TPD52: variants seen among roughly 807,000 people sequenced by gnomAD.
TPD52 encodes tumor protein D52.
A neutral mutation model predicts 31.3 loss-of-function variants in TPD52; 17 were observed. That is an observed-to-expected ratio of 0.54 (90% CI 0.37 to 0.82). The LOEUF (loss-of-function observed/expected upper bound fraction) is 0.82, where lower values mean the gene tolerates loss of function less well. Ranked by LOEUF, TPD52 falls within the 40% of genes least tolerant of loss-of-function variation. The probability of loss-of-function intolerance (pLI) is 0.00; values close to 1 mark genes in which losing one functional copy is unlikely to be tolerated. For missense variants in TPD52, 212 were observed against 240.1 expected (o/e 0.88, Z 0.77); for synonymous variants, 83 against 89.6 (o/e 0.93, Z 0.42).
intron 1 of TPD52, among the ~76,000 whole-genome samples, chr8:80,157,077 G>A (rs533222221): frequency 6.6e-6 from 1 of 152,204 alleles, no homozygotes; most frequent in East Asian, 1.9e-4. Flanking sequence ...GGATTGGAGG[G>A]AATTCACAAA....
intron 1 of TPD52, among the ~76,000 whole-genome samples, chr8:80,093,070 A>G (rs1455776975): frequency 1.3e-5 from 2 of 152,180 alleles, no homozygotes; most frequent in South Asian, 2.1e-4. Context: ...CTGAGACCCT[A>G]ACAGTTCACA....
At chr8:80,120,530 G>A (rs1808191978) in intron 1 of TPD52, among the ~76,000 whole-genome samples, 1 of 152,102 alleles carries the variant, frequency 6.6e-6, no homozygotes, top group Non-Finnish European at 1.5e-5. Context: ...TTGAATGACA[G>A]GTTGATCCTG....
intron 1 of TPD52, among the ~76,000 whole-genome samples, chr8:80,071,515 T>C (rs553844326): frequency 6.6e-6 from 1 of 152,106 alleles, no homozygotes; most frequent in African/African-American, 2.4e-5. Context: ...CCACCTCCCT[T>C]CCACTAAGGA....
intron 1 of TPD52, among the ~76,000 whole-genome samples, chr8:80,159,989 G>C (rs1261805361): frequency 1.3e-5 from 2 of 152,086 alleles, no homozygotes; most frequent in African/African-American, 4.8e-5. Context: ...CCAGGGGTTC[G>C]AGACCAGTCT....
At chr8:80,127,433 A>G (rs575090271) in intron 1 of TPD52, 75 of 152,348 alleles carry the variant, frequency 4.9e-4, no homozygotes, top group African/African-American at 1.7e-3. Flanking sequence ...ATGACAAAAA[A>G]TTGACAGGAT....
In TPD52 at chr8:80,094,430, T is replaced by TTATATATA. The variant is rs61266725; in HGVS notation, c.20-29845_20-29838dup. 1.7e-3 allele frequency among the ~76,000 whole-genome samples: 91 copies of TTATATATA among 53,638 alleles called. 1 individual carries two copies. The highest frequency in any genetic ancestry group is 3.9e-3 in the East Asian group (3 of 778). 35.2% of individuals were successfully genotyped at this position (53,638 alleles called of 152,430 possible). ...ACTAAGTTCTAGACAAAAGAAAATT[T>TTATATATA]TATATATATATATATATATATATAT... On this transcript the variant is annotated intron_variant, in intron 1 of 7. Coordinates refer to ENST00000518937, the MANE Select transcript of TPD52 (RefSeq NM_001025253.3).
At chr8:80,121,508 C>T (rs1040326264) in intron 1 of TPD52, among the ~76,000 whole-genome samples, 2 of 152,144 alleles carry the variant, frequency 1.3e-5, no homozygotes, top group African/African-American at 4.8e-5. Context: ...CCATGAATAC[C>T]GTACAGCAAA....
intron 1 of TPD52, among the ~76,000 whole-genome samples, chr8:80,143,104 A>C (rs1809952328): frequency 6.6e-6 from 1 of 152,220 alleles, no homozygotes; most frequent in Non-Finnish European, 1.5e-5. Flanking sequence ...GGAGGAAAGT[A>C]CCTACTTCAT....
chr8:80,040,148 C>T (rs1382457036), intron 7 of TPD52, among the ~76,000 whole-genome samples: 1 of 149,698 alleles, frequency 6.7e-6, no homozygotes, highest in East Asian at 2.0e-4. Context: ...TTTACAGCTT[C>T]CTTAGGATAC....
At chr8:80,116,152 TA>T (rs1409718270) in intron 1 of TPD52, among the ~76,000 whole-genome samples, 4 of 152,168 alleles carry the variant, frequency 2.6e-5, no homozygotes, top group Admixed American at 2.0e-4. Flanking sequence ...TACCCTACAA[TA>T]TATCAAAAGA....
At chr8:80,034,325 A>G (rs1809774220), downstream of TPD52, among the ~76,000 whole-genome samples, 1 of 151,776 alleles carries the variant, frequency 6.6e-6, no homozygotes, top group African/African-American at 2.4e-5. Context: ...AGCTGCACCC[A>G]GGAGCACAAG....
intron 1 of TPD52, among the ~76,000 whole-genome samples, chr8:80,083,528 T>TA (rs1167011491): frequency 6.6e-6 from 1 of 150,808 alleles, no homozygotes; most frequent in Non-Finnish European, 1.5e-5. Flanking sequence ...GAGATCTTTA[T>TA]AAGGAGAACA....
chr8:80,042,293 G>A (rs1810463825), intron 7 of TPD52: 2 of 985,104 alleles, frequency 2.0e-6, no homozygotes, highest in Non-Finnish European at 2.4e-6. Context: ...GTTAATTGTT[G>A]ACAAGAAAGT....
At chr8:80,077,132 C>A (rs1296763860) in intron 1 of TPD52, among the ~76,000 whole-genome samples, 1 of 151,922 alleles carries the variant, frequency 6.6e-6, no homozygotes, top group Non-Finnish European at 1.5e-5. Flanking sequence ...AAAATTAGCA[C>A]GATGTGGTGA....
chr8:80,109,672 G>T (rs1353993145), intron 1 of TPD52, among the ~76,000 whole-genome samples: 1 of 152,208 alleles, frequency 6.6e-6, no homozygotes, highest in Non-Finnish European at 1.5e-5. Flanking sequence ...CTCCCAAAGT[G>T]CTGGGATGAC....
chr8:80,111,876 T>G (rs563134092), intron 1 of TPD52, among the ~76,000 whole-genome samples: 8 of 152,322 alleles, frequency 5.3e-5, no homozygotes, highest in African/African-American at 1.9e-4. Context: ...CTGAGTGATA[T>G]TTACTTACAT....
chr8:80,153,332 G>A (rs1324408102), intron 1 of TPD52, among the ~76,000 whole-genome samples: 2 of 152,174 alleles, frequency 1.3e-5, no homozygotes, highest in Admixed American at 6.5e-5. Flanking sequence ...GCTTCCCTTG[G>A]AATAAGCAGA....
rs1404708727 is a variant in TPD52 at position 80,171,415 on chromosome 8, G to A, written c.19+10C>T. ...GCCCGAGCCCAAGCCCGCTGGGTCC[G>A]CGCCCTCACCTTGCTCGCCGCGGTC... On this transcript the variant is annotated intron_variant, in intron 1 of 7. Transcript: ENST00000518937. 58 of 1,596,286 alleles carry A rather than the reference G, an allele frequency of 3.6e-5. No homozygotes were observed. Among genetic ancestry groups the A allele is most frequent in the Non-Finnish European group, 4.6e-5 (54 of 1,177,930 alleles).
chr8:80,085,132 C>CA (rs1189769694), intron 1 of TPD52, among the ~76,000 whole-genome samples: 11 of 151,998 alleles, frequency 7.2e-5, no homozygotes, highest in Non-Finnish European at 1.6e-4. Context: ...AACCACAAAC[C>CA]AAAAGAAAGA....
Sources: allele counts gnomAD v4.1 joint callset (sites outside exome capture counted in the v4.1 genomes callset), GRCh38; gene constraint gnomAD v4.1.1; transcripts MANE v1.5; gene names NCBI Gene and HGNC (gene_info 2026-07-23, HGNC 2026-07-21).